FXYD5: variants seen among roughly 807,000 people sequenced by gnomAD.
FXYD5 encodes FXYD domain containing ion transport regulator 5, also known as FXYD domain-containing ion transport regulator 5.
Under a neutral mutation model 25.7 loss-of-function variants are expected in FXYD5, and 21 were observed. The ratio of observed to expected loss-of-function variants is 0.82; its 90% CI spans 0.58 to 1.18. The LOEUF (loss-of-function observed/expected upper bound fraction) is 1.18. FXYD5 is among the 50% of genes most tolerant of loss of function. FXYD5 has a pLI of 0.00. For synonymous variants in FXYD5, 101 were observed against 90.7 expected (o/e 1.11, Z -0.64); for missense variants, 229 against 227.7 (o/e 1.01, Z -0.04).
At chr19:35,167,294 C>T (rs1189226087) in intron 8 of FXYD5, among the ~76,000 whole-genome samples, 1 of 152,158 alleles carries the variant, frequency 6.6e-6, no homozygotes, top group Non-Finnish European at 1.5e-5. Flanking sequence ...CAAGAGGAGG[C>T]ACTGGCTTTG....
At chr19:35,166,544 G>A (rs1159016358) in intron 8 of FXYD5, 4 of 473,554 alleles carry the variant, frequency 8.4e-6, no homozygotes, top group African/African-American at 8.0e-5. Context: ...GCTCAGCTGG[G>A]TGATTCTTCT....
intron 3 of FXYD5, among the ~76,000 whole-genome samples, chr19:35,157,999 C>A (rs1038758143): frequency 6.6e-6 from 1 of 152,124 alleles, no homozygotes; most frequent in Non-Finnish European, 1.5e-5. Context: ...GAAGGATGGT[C>A]CCTAAAGGAA....
chr19:35,166,396 C>A, intron 8 of FXYD5, 71 bp downstream of exon 8: 1 of 1,000,670 alleles, frequency 1.0e-6, no homozygotes. Context: ...GCTGGGTTCT[C>A]AAAGGTCCCT....
chr19:35,159,074 C>G (rs2065382288), intron 4 of FXYD5, among the ~76,000 whole-genome samples: 1 of 151,658 alleles, frequency 6.6e-6, no homozygotes, highest in Admixed American at 6.6e-5. Context: ...TTGCAGTGAG[C>G]CAAGATCTTG....
chr19:35,161,681 A>G (rs1300255148), intron 5 of FXYD5, among the ~76,000 whole-genome samples: 1 of 152,190 alleles, frequency 6.6e-6, no homozygotes. Context: ...CCTTTGGACA[A>G]GTGAGTTAGT....
At chr19:35,163,753 G>T (rs1023665716) in intron 5 of FXYD5, among the ~76,000 whole-genome samples, 1 of 152,048 alleles carries the variant, frequency 6.6e-6, no homozygotes, top group Admixed American at 6.6e-5. Flanking sequence ...AAGTGCTGGG[G>T]TTTACAGACA....
At chr19:35,154,974 G>T (rs62111371) in intron 1 of FXYD5, 165 bp downstream of exon 1, 17,862 of 160,778 alleles carry the variant, frequency 0.11, 1,163 homozygotes, top group Non-Finnish European at 0.15. Flanking sequence ...CCTCGCTCCC[G>T]CCCGCCTGCC....
chr19:35,164,001 C>T, intron 5 of FXYD5, 155 bp from the exon 6 acceptor site: 2 of 1,497,914 alleles, frequency 1.3e-6, no homozygotes, highest in Middle Eastern at 1.8e-4. Context: ...TTACTTATTG[C>T]CTCTAGGTGT....
In FXYD5 at chr19:35,155,574, T is replaced by G. The variant is rs757486324; in HGVS notation, c.24T>G (p.Cys8Trp). 6.2e-7 allele frequency: 1 copy of G among 1,610,976 alleles called. No individual in the cohort carries two copies. The highest frequency in any genetic ancestry group is 8.5e-7 in the Non-Finnish European group (1 of 1,179,868). Residue 8 changes from cysteine (C) to tryptophan (W), a missense_variant, in exon 2 of 9, where the codon TGT (cysteine) becomes TGG (tryptophan). Physicochemically the swap from Cys to Trp is radical, Grantham distance 215 (BLOSUM62 -2). Transcript: ENST00000392219. MSPSGRL[C>W]LLTIVGLILP... Reference sequence around the variant, plus strand: ...AGATGTCGCCCTCTGGTCGCCTGTGTCTTCTCACCATCGTTGGCCTGATTC... The same window carrying G: ...AGATGTCGCCCTCTGGTCGCCTGTGGCTTCTCACCATCGTTGGCCTGATTC...
intron 2 of FXYD5, 70 bp downstream of exon 2, chr19:35,155,681 G>C: frequency 1.7e-6 from 2 of 1,176,050 alleles, no homozygotes; most frequent in Non-Finnish European, 2.5e-6. Context: ...TGTGCTGCGG[G>C]GTGGGTGGTT....
At chr19:35,156,182 C>T (rs2065353902) in intron 2 of FXYD5, among the ~76,000 whole-genome samples, 2 of 152,298 alleles carry the variant, frequency 1.3e-5, no homozygotes, top group Non-Finnish European at 2.9e-5. Flanking sequence ...AACTGAGGCT[C>T]AGCGAAGGGA....
intron 1 of FXYD5, 22 bp from the exon 2 acceptor site, chr19:35,155,529 C>T: frequency 6.2e-7 from 1 of 1,604,020 alleles, no homozygotes. Context: ...ATGGCTGACC[C>T]CAGCATCGCC....
intron 5 of FXYD5, among the ~76,000 whole-genome samples, chr19:35,161,638 A>G (rs1285626875): frequency 6.6e-6 from 1 of 152,236 alleles, no homozygotes; most frequent in Non-Finnish European, 1.5e-5. Flanking sequence ...TGCCTGAACC[A>G]CATAGACCAA....
At chr19:35,159,781 T>C in intron 4 of FXYD5, 17 of 1,076,338 alleles carry the variant, frequency 1.6e-5, no homozygotes, top group Non-Finnish European at 2.2e-5. Context: ...AGGCTGTGAG[T>C]AACTGGTTCA....
intron 6 of FXYD5, 87 bp from the exon 7 acceptor site, chr19:35,166,055 G>A (rs1437486561): frequency 8.0e-7 from 1 of 1,251,064 alleles, no homozygotes; most frequent in African/African-American, 1.5e-5. Flanking sequence ...GGGTACCCAG[G>A]TATCCCCCTT....
intron 4 of FXYD5, chr19:35,159,615 TG>T: frequency 6.4e-7 from 1 of 1,550,404 alleles, no homozygotes; most frequent in African/African-American, 1.4e-5. Flanking sequence ...TGAGCAACTT[TG>T]TCCCTTCCTC....
At chr19:35,161,954 A>T (rs771330114) in intron 5 of FXYD5, among the ~76,000 whole-genome samples, 1 of 152,214 alleles carries the variant, frequency 6.6e-6, no homozygotes, top group Non-Finnish European at 1.5e-5. Context: ...ATTCTTACAG[A>T]ATCTATCTAT....
At chr19:35,159,400 T>G (rs989171302) in intron 4 of FXYD5, 12 of 1,429,112 alleles carry the variant, frequency 8.4e-6, no homozygotes, top group Middle Eastern at 3.6e-4. Context: ...TAAGGAGACC[T>G]TATGATTGTT....
chr19:35,161,221 A>ACACACACACACACACAC (rs2065401864), intron 5 of FXYD5, among the ~76,000 whole-genome samples: 15 of 38,242 alleles, frequency 3.9e-4, no homozygotes, highest in African/African-American at 1.6e-3. Context: ...ATTCACCTTA[A>ACACACACACACACACAC]ACACACACAC....
Sources: gnomAD v4.1 joint callset for allele counts (sites outside exome capture counted in the v4.1 genomes callset) on GRCh38, gnomAD v4.1.1 for gene constraint, MANE v1.5 for transcripts, NCBI Gene and HGNC (gene_info 2026-07-23, HGNC 2026-07-21) for gene names.